CHST11: variants seen among roughly 807,000 people sequenced by gnomAD.
CHST11 encodes C4S-1.
In CHST11, 9 loss-of-function variants were observed where a neutral mutation model predicts 30.4. The ratio of observed to expected loss-of-function variants is 0.30; its 90% confidence interval spans 0.18 to 0.52. The LOEUF (loss-of-function observed/expected upper bound fraction) is 0.52, where lower values mean the gene tolerates loss of function less well. Among genes scored for constraint, CHST11 ranks in the 20% least tolerant of loss-of-function variants. The pLI is 0.97. For missense variants in CHST11, 348 were observed against 460.6 expected, an observed-to-expected ratio of 0.76 and a Z score of 2.24; for synonymous variants, 152 against 187.8, an observed-to-expected ratio of 0.81 and a Z score of 1.56.
At chr12:104,491,769 A>C (rs538048528) in intron 1 of CHST11, among the ~76,000 whole-genome samples, 2 of 152,078 alleles carry the variant, frequency 1.3e-5, no homozygotes, top group Non-Finnish European at 2.9e-5. Context: ...GAGCTACTAT[A>C]CTCGGCCAGT....
chr12:104,698,235 A>G (rs149481200), intron 2 of CHST11, among the ~76,000 whole-genome samples: 43 of 152,184 alleles, frequency 2.8e-4, no homozygotes, highest in African/African-American at 8.7e-4. Flanking sequence ...AAGGCATTTC[A>G]TCATCCCAAC....
rs188387967 is a variant in CHST11 at position 104,536,117 on chromosome 12, T to A, written c.119-65789T>A. On this transcript the variant is annotated intron_variant, in intron 1 of 2. Coordinates refer to ENST00000303694, the MANE Select transcript of CHST11 (RefSeq NM_018413.6). The stretch of plus-strand genomic sequence containing the variant: ...AATACAGACAGCAAAGCAGGACAAG[T>A]CTTCTTGCCTGGCAGGGACGTGAAA... Among the ~76,000 whole-genome samples the A allele has an allele frequency of 1.6e-3, 249 of 152,274 alleles. 1 individual carries two copies. The highest frequency in any genetic ancestry group is 5.6e-3 in the African/African-American group (232 of 41,554).
At chr12:104,584,283 G>A (rs1360437800) in intron 1 of CHST11, among the ~76,000 whole-genome samples, 4 of 137,128 alleles carry the variant, frequency 2.9e-5, no homozygotes, top group Admixed American at 7.7e-5. Context: ...TTTTCACAGC[G>A]TCTTACTCTG....
intron 1 of CHST11, among the ~76,000 whole-genome samples, chr12:104,512,271 T>C (rs1035922610): frequency 2.6e-5 from 4 of 152,196 alleles, no homozygotes; most frequent in African/African-American, 7.2e-5. Flanking sequence ...TGATTTTAAT[T>C]AGTAGCGCTC....
chr12:104,620,689 A>G (rs1230956339), intron 2 of CHST11, among the ~76,000 whole-genome samples: 1 of 152,212 alleles, frequency 6.6e-6, no homozygotes, highest in Non-Finnish European at 1.5e-5. Context: ...TTTCTTGAGC[A>G]AGTGGCAAAA....
chr12:104,688,177 A>T (rs886536571), intron 2 of CHST11, among the ~76,000 whole-genome samples: 5 of 152,222 alleles, frequency 3.3e-5, no homozygotes, highest in Non-Finnish European at 7.3e-5. Flanking sequence ...AAAATGAGAT[A>T]CAAGTGTTCA....
rs181982200 is a variant in CHST11, at chr12:104,723,110, G to C, written c.205-33839G>C. On this transcript the variant is annotated intron_variant, in intron 2 of 2. Coordinates refer to ENST00000303694, the MANE Select transcript of CHST11 (RefSeq NM_018413.6). ...CTGTGGCTCAGTTTTTTGATCTGTG[G>C]TGTGAGCGTAGTATCACCTCCCCTG... 3.2e-3 allele frequency among the ~76,000 whole-genome samples: 491 copies of C among 152,192 alleles called. 4 individuals carry two copies. Among genetic ancestry groups the C allele is most frequent in the African/African-American group, 0.01 (432 of 41,518 alleles).
chr12:104,750,219 G>A (rs2136144867), intron 2 of CHST11, among the ~76,000 whole-genome samples: 1 of 151,964 alleles, frequency 6.6e-6, no homozygotes, highest in East Asian at 1.9e-4. Flanking sequence ...TAGGAATGAG[G>A]AAGTGGTAAG....
intron 1 of CHST11, among the ~76,000 whole-genome samples, chr12:104,472,964 G>A (rs942698590): frequency 2.6e-5 from 4 of 152,272 alleles, no homozygotes; most frequent in Non-Finnish European, 5.9e-5. Context: ...GGAGAGTGAT[G>A]TCTGGGAATA....
At chr12:104,558,301 G>A (rs1367171319) in intron 1 of CHST11, among the ~76,000 whole-genome samples, 1 of 152,040 alleles carries the variant, frequency 6.6e-6, no homozygotes, top group Admixed American at 6.6e-5. Context: ...CGAGCCCCTA[G>A]CCCTCTGCCT....
intron 2 of CHST11, among the ~76,000 whole-genome samples, chr12:104,653,751 T>C (rs1426598899): frequency 1.3e-5 from 2 of 152,104 alleles, no homozygotes; most frequent in Non-Finnish European, 2.9e-5. Context: ...CTTAACATTA[T>C]CTCCAGTGAG....
At chr12:104,509,950 G>A (rs1387743509) in intron 1 of CHST11, among the ~76,000 whole-genome samples, 1 of 152,174 alleles carries the variant, frequency 6.6e-6, no homozygotes, top group Non-Finnish European at 1.5e-5. Flanking sequence ...GTGTTTCAGG[G>A]ACCTAGGCTC....
intron 1 of CHST11, among the ~76,000 whole-genome samples, chr12:104,490,860 A>T (rs940746186): frequency 6.6e-6 from 1 of 152,196 alleles, no homozygotes; most frequent in Non-Finnish European, 1.5e-5. Context: ...GAACTCTAAG[A>T]TTTGAGAAAT....
intron 2 of CHST11, 104 bp downstream of exon 2, chr12:104,602,095 C>T (rs1566003489): frequency 9.0e-6 from 7 of 775,406 alleles, no homozygotes; most frequent in Non-Finnish European, 1.5e-5. Context: ...AACTTCCTTT[C>T]ACAGCCTGGC....
intron 2 of CHST11, among the ~76,000 whole-genome samples, chr12:104,623,645 G>C (rs1486176627): frequency 6.6e-6 from 1 of 152,132 alleles, no homozygotes. Flanking sequence ...GGGAGGCAGA[G>C]GTTGCGGTGA....
At chr12:104,735,723 G>A (rs1201894484) in intron 2 of CHST11, among the ~76,000 whole-genome samples, 4 of 152,248 alleles carry the variant, frequency 2.6e-5, no homozygotes, top group African/African-American at 4.8e-5. Context: ...CAGGGCTGCT[G>A]AGAGACAGAG....
chr12:104,610,210 T>C (rs2039047294), intron 2 of CHST11, among the ~76,000 whole-genome samples: 1 of 152,208 alleles, frequency 6.6e-6, no homozygotes, highest in African/African-American at 2.4e-5. Flanking sequence ...TCCCAATGCC[T>C]AGTTAGGTAC....
At chr12:104,465,067 G>T (rs1297771904) in intron 1 of CHST11, among the ~76,000 whole-genome samples, 1 of 152,204 alleles carries the variant, frequency 6.6e-6, no homozygotes, top group African/African-American at 2.4e-5. Flanking sequence ...AAATAGCAGT[G>T]TGCCTTCACC....
chr12:104,690,325 A>G (rs1307113630), intron 2 of CHST11, among the ~76,000 whole-genome samples: 1 of 152,214 alleles, frequency 6.6e-6, no homozygotes. Context: ...GTCTCTGTGC[A>G]TTCTGAAGTT....
Sources: gnomAD v4.1 joint callset for allele counts (sites outside exome capture counted in the v4.1 genomes callset) on GRCh38, gnomAD v4.1.1 for gene constraint, MANE v1.5 for transcripts, NCBI Gene and HGNC (gene_info 2026-07-23, HGNC 2026-07-21) for gene names.